RABEP1: variants seen among roughly 807,000 people sequenced by gnomAD.
RABEP1 encodes rab GTPase-binding effector protein 1.
In RABEP1, 51 loss-of-function variants were observed where a neutral mutation model predicts 123.4. The ratio of observed to expected loss-of-function variants is 0.41; its 90% CI spans 0.33 to 0.52. RABEP1 has a LOEUF of 0.52. Among genes scored for constraint, RABEP1 ranks in the 20% least tolerant of loss-of-function variants. The probability of loss-of-function intolerance (pLI) is 0.16; values close to 1 mark genes in which losing one functional copy is unlikely to be tolerated. For missense variants in RABEP1, 888 were observed against 996.3 expected (o/e 0.89, Z 1.46); for synonymous variants, 347 against 355.2 (o/e 0.98, Z 0.26).
chr17:5,383,299 C>A lies in RABEP1; in HGVS notation c.*76C>A. The A allele has an allele frequency of 2.6e-6, 3 of 1,143,040 alleles. No homozygotes were observed. Among genetic ancestry groups the A allele is most frequent in the Non-Finnish European group, 3.9e-6 (3 of 766,258 alleles). 70.8% of individuals were successfully genotyped at this position (1,143,040 alleles called of 1,614,324 possible). A position where few individuals can be genotyped will look rare whatever the true frequency, so the allele number is the denominator to read the frequency against. On this transcript the variant is annotated 3_prime_UTR_variant, in exon 18 of 18. Transcript: ENST00000537505. Reference sequence around the variant, plus strand: ...TAGAGCAACAGTAATTATTATTTAACTCTTAACTGAAGAAAGAGAAGTCAC... The same window carrying A: ...TAGAGCAACAGTAATTATTATTTAAATCTTAACTGAAGAAAGAGAAGTCAC...
rs2407 is a variant in RABEP1, at chr17:5,385,708, G to C, written c.*2485G>C. On this transcript the variant is annotated 3_prime_UTR_variant, in exon 18 of 18. Transcript: ENST00000537505. ...AGTGGCCTTTGCAATTGTGGATCTT[G>C]AGCTCTGCTCTCAGCAGATTTCAGG... The C allele has an allele frequency of 4.3e-6, 1 of 230,696 alleles. No homozygotes were observed. Among genetic ancestry groups the C allele is most frequent in the Non-Finnish European group, 8.6e-6 (1 of 116,768 alleles). 14.3% of individuals were successfully genotyped at this position (230,696 alleles called of 1,614,324 possible). A position where few individuals can be genotyped will look rare whatever the true frequency, so the allele number is the denominator to read the frequency against.
At chr17:5,316,919 TTTTGAGATGAAG>T (rs1420519154) in intron 2 of RABEP1, among the ~76,000 whole-genome samples, 1 of 152,032 alleles carries the variant, frequency 6.6e-6, no homozygotes, top group Non-Finnish European at 1.5e-5. Context: ...AATGTTTATC[TTTTGAGATGAAG>T]TCTTGCTCTG....
intron 2 of RABEP1, among the ~76,000 whole-genome samples, chr17:5,323,031 T>C (rs1869867802): frequency 2.6e-5 from 4 of 152,062 alleles, no homozygotes; most frequent in South Asian, 4.2e-4. Context: ...GTTGAGATTA[T>C]GCCACTGCAC....
chr17:5,365,944 A>G (rs1909968020), intron 11 of RABEP1, among the ~76,000 whole-genome samples: 2 of 152,208 alleles, frequency 1.3e-5, no homozygotes, highest in Non-Finnish European at 2.9e-5. Context: ...AGTTGTTTCC[A>G]GTTCTGGGAT....
At chr17:5,304,728 T>C (rs2075165574) in intron 1 of RABEP1, among the ~76,000 whole-genome samples, 1 of 152,100 alleles carries the variant, frequency 6.6e-6, no homozygotes, top group East Asian at 1.9e-4. Context: ...TTTCAGAAGG[T>C]TTAATTTTGT....
chr17:5,363,972 A>G (rs1457294234), intron 10 of RABEP1, among the ~76,000 whole-genome samples: 3 of 152,224 alleles, frequency 2.0e-5, no homozygotes, highest in African/African-American at 7.2e-5. Context: ...ATATTTCCAA[A>G]TTGTTCTTTG....
intron 10 of RABEP1, among the ~76,000 whole-genome samples, chr17:5,364,920 GA>G (rs747862429): frequency 1.3e-3 from 193 of 152,168 alleles, no homozygotes; most frequent in Non-Finnish European, 1.9e-3. Context: ...AGATGTGTGT[GA>G]AAAATGATTT....
At chr17:5,302,088 A>G (rs1184499750) in intron 1 of RABEP1, among the ~76,000 whole-genome samples, 1 of 152,134 alleles carries the variant, frequency 6.6e-6, no homozygotes, top group East Asian at 1.9e-4. Context: ...AGGGTGAGCA[A>G]CTTGGATAAT....
In RABEP1 at chr17:5,373,189, C is replaced by T. The variant is rs979238339; in HGVS notation, c.1885-125C>T. The T allele has an allele frequency of 1.4e-5, 11 of 778,758 alleles. No individual in the cohort carries two copies. In the East Asian group the frequency reaches 3.0e-4, roughly 21 times the overall value. 48.2% of individuals were successfully genotyped at this position (778,758 alleles called of 1,614,324 possible). A position where few individuals can be genotyped will look rare whatever the true frequency, so the allele number is the denominator to read the frequency against. On this transcript the variant is annotated intron_variant, in intron 12 of 17. Transcript: ENST00000537505. Reference sequence around the variant, plus strand: ...TCTGTGCAGCTTTTTCTAAGTCTAGCAGAACTTCACCATACCCCGTCCATC... The same window carrying T: ...TCTGTGCAGCTTTTTCTAAGTCTAGTAGAACTTCACCATACCCCGTCCATC...
intron 8 of RABEP1, among the ~76,000 whole-genome samples, chr17:5,357,000 C>G (rs1909073109): frequency 6.6e-6 from 1 of 152,112 alleles, no homozygotes; most frequent in African/African-American, 2.4e-5. Flanking sequence ...GCCTCAGCCT[C>G]CTGAGTAGCT....
chr17:5,311,542 C>A (rs1207130302), intron 2 of RABEP1, among the ~76,000 whole-genome samples: 2 of 151,374 alleles, frequency 1.3e-5, no homozygotes, highest in African/African-American at 4.9e-5. Context: ...AAAAAAAATA[C>A]AAAAATTAGA....
chr17:5,354,581 G>C, intron 8 of RABEP1, 91 bp downstream of exon 8: 1 of 1,181,406 alleles, frequency 8.5e-7, no homozygotes. Context: ...GTTCATATGA[G>C]AAGTGAGAAG....
chr17:5,347,077 A>T, intron 6 of RABEP1, 152 bp downstream of exon 6: 1 of 656,622 alleles, frequency 1.5e-6, no homozygotes, highest in Non-Finnish European at 2.3e-6. Flanking sequence ...ACTCATGCAA[A>T]GCTGAAATTA....
rs571878996 is a variant in RABEP1 at position 5,361,139 on chromosome 17, T to A, written c.1096-69T>A. 89 of 1,330,576 alleles carry A rather than the reference T, an allele frequency of 6.7e-5. 1 individual carries two copies. The South Asian group carries it at 1.0e-3, about 15-fold the overall frequency. 82.4% of individuals were successfully genotyped at this position (1,330,576 alleles called of 1,614,324 possible). ...TGTGTAATGAGTGGCGGAATACATT[T>A]ATTATAGTTTTTGTCTTTAAAAACG... On this transcript the variant is annotated intron_variant, in intron 8 of 17. Coordinates refer to ENST00000537505, the MANE Select transcript of RABEP1 (RefSeq NM_004703.6).
intron 6 of RABEP1, among the ~76,000 whole-genome samples, chr17:5,348,569 T>C (rs1908265191): frequency 6.6e-6 from 1 of 152,000 alleles, no homozygotes; most frequent in African/African-American, 2.4e-5. Context: ...TTTTCTCTTT[T>C]TTTTTGTTTT....
intron 2 of RABEP1, among the ~76,000 whole-genome samples, chr17:5,318,237 T>G (rs1341618519): frequency 1.3e-5 from 2 of 152,216 alleles, no homozygotes; most frequent in Non-Finnish European, 2.9e-5. Context: ...GACTTCAGTC[T>G]TCTTAGACTG....
intron 16 of RABEP1, 200 bp downstream of exon 16, chr17:5,380,662 G>A: frequency 1.7e-6 from 1 of 588,078 alleles, no homozygotes; most frequent in South Asian, 1.6e-5. Flanking sequence ...CAGGTCTGGA[G>A]GCCTGCGTCA....
intron 15 of RABEP1, among the ~76,000 whole-genome samples, chr17:5,379,583 C>T (rs1327705756): frequency 6.6e-6 from 1 of 152,196 alleles, no homozygotes; most frequent in African/African-American, 2.4e-5. Flanking sequence ...CACTTTGCTA[C>T]TGATATTGCA....
At chr17:5,329,019 C>CTTTTTT (rs760060600) in intron 2 of RABEP1, among the ~76,000 whole-genome samples, 11 of 110,660 alleles carry the variant, frequency 9.9e-5, no homozygotes, top group East Asian at 5.2e-4. Context: ...TTCAGAAAGA[C>CTTTTTT]TTTTTTTTTT....
Sources: allele counts gnomAD v4.1 joint callset (sites outside exome capture counted in the v4.1 genomes callset), GRCh38; gene constraint gnomAD v4.1.1; transcripts MANE v1.5; gene names NCBI Gene and HGNC (gene_info 2026-07-23, HGNC 2026-07-21).